The following STK32B variants were observed in gnomAD, a reference collection of about 807,000 sequenced individuals.
The protein encoded by STK32B is serine/threonine kinase 32B.
Under a neutral mutation model 52.6 loss-of-function variants are expected in STK32B, and 43 were observed. The observed-to-expected ratio is 0.82, with a 90% CI of 0.64 to 1.05. The LOEUF (loss-of-function observed/expected upper bound fraction) is 1.05, where lower values mean the gene tolerates loss of function less well. STK32B is among the 50% of genes least tolerant of loss of function. The probability of loss-of-function intolerance (pLI) is 0.00; values close to 1 mark genes in which losing one functional copy is unlikely to be tolerated. For synonymous variants in STK32B, 238 were observed against 204.3 expected (o/e 1.17, Z -1.41); for missense variants, 621 against 534.6 (o/e 1.16, Z -1.59).
chr4:5,251,027 T>C (rs1346649272), intron 3 of STK32B, among the ~76,000 whole-genome samples: 1 of 152,244 alleles, frequency 6.6e-6, no homozygotes, highest in Non-Finnish European at 1.5e-5. Context: ...ACTCTGTTGA[T>C]AGTTTCTTTT....
chr4:5,162,389 C>A (rs920075950), intron 2 of STK32B, among the ~76,000 whole-genome samples: 1 of 152,194 alleles, frequency 6.6e-6, no homozygotes, highest in East Asian at 1.9e-4. Flanking sequence ...TCGACATTGT[C>A]AGCGCCCGGA....
chr4:5,385,169 G>A (rs961854015), intron 4 of STK32B, among the ~76,000 whole-genome samples: 2 of 152,104 alleles, frequency 1.3e-5, no homozygotes, highest in Non-Finnish European at 2.9e-5. Context: ...CCTGGCCAGA[G>A]CTAGAGGGAA....
chr4:5,294,059 G>A (rs1177526521), intron 3 of STK32B, among the ~76,000 whole-genome samples: 3 of 152,076 alleles, frequency 2.0e-5, no homozygotes, highest in East Asian at 3.9e-4. Context: ...TTTCCCCATT[G>A]GTTGTTTTTG....
chr4:5,372,732 C>T (rs985367292), intron 4 of STK32B, among the ~76,000 whole-genome samples: 28 of 136,358 alleles, frequency 2.1e-4, no homozygotes, highest in African/African-American at 4.4e-4. Flanking sequence ...GGGGGGGGGG[C>T]GGTTATTTCA....
At chr4:5,041,468 T>C in the STK32B span, among the ~76,000 whole-genome samples, 1 of 152,216 alleles carries the variant, frequency 6.6e-6, no homozygotes, top group African/African-American at 2.4e-5. Context: ...GAGGTCACCA[T>C]GGAGCTACTA....
intron 3 of STK32B, among the ~76,000 whole-genome samples, chr4:5,288,481 G>T (rs1728686632): frequency 6.6e-6 from 1 of 152,104 alleles, no homozygotes; most frequent in South Asian, 2.1e-4. Context: ...TGTCCCTGAT[G>T]ATTAATGATG....
At chr4:5,057,680 T>A (rs1742059419) in intron 1 of STK32B, among the ~76,000 whole-genome samples, 1 of 152,102 alleles carries the variant, frequency 6.6e-6, no homozygotes, top group African/African-American at 2.4e-5. Context: ...AGATAAAGGA[T>A]CAGTATTTTA....
rs76340064 is a variant in STK32B at position 5,236,852 on chromosome 4, T to G, written c.260+68402T>G. On this transcript the variant is annotated intron_variant, in intron 3 of 11. Transcript: ENST00000282908. ...TGCGGCTAGGGACGTTCTAGTATGC[T>G]TTTTGGTGCAAACATATACACCTTT... Among the ~76,000 whole-genome samples the G allele has an allele frequency of 4.5e-3, 678 of 152,314 alleles. 1 individual carries two copies. Among genetic ancestry groups the G allele is most frequent in the African/African-American group, 0.015 (620 of 41,562 alleles).
In STK32B at chr4:5,500,267, T is replaced by G. The variant is rs1720625056; in HGVS notation, c.*1184T>G. 1 of 152,196 alleles carries G rather than the reference T, an allele frequency of 6.6e-6. No homozygotes were observed. Among genetic ancestry groups the G allele is most frequent in the Non-Finnish European group, 1.5e-5 (1 of 68,054 alleles). 9.4% of individuals were successfully genotyped at this position (152,196 alleles called of 1,614,324 possible). A position where few individuals can be genotyped will look rare whatever the true frequency, so the allele number is the denominator to read the frequency against. The stretch of plus-strand genomic sequence containing the variant: ...GCATGCAATCGCTCTGAATGGCAGT[T>G]TCCTCATTTTTAAACAGGGATAATA... On this transcript the variant is annotated 3_prime_UTR_variant, in exon 12 of 12. Coordinates refer to ENST00000282908, the MANE Select transcript of STK32B (RefSeq NM_018401.3).
At chr4:5,319,452 T>A (rs919481336) in intron 3 of STK32B, among the ~76,000 whole-genome samples, 12 of 152,194 alleles carry the variant, frequency 7.9e-5, no homozygotes, top group Admixed American at 6.5e-5. Context: ...TTCTCCTGTT[T>A]CCAAATCCTC....
intron 1 of STK32B, among the ~76,000 whole-genome samples, chr4:5,077,403 C>A (rs898837415): frequency 3.9e-5 from 6 of 152,096 alleles, no homozygotes; most frequent in African/African-American, 1.2e-4. Flanking sequence ...ACTGCCGTTG[C>A]CACAGTTTCC....
At chr4:5,348,067 C>T (rs898297548) in intron 4 of STK32B, among the ~76,000 whole-genome samples, 8 of 152,176 alleles carry the variant, frequency 5.3e-5, no homozygotes, top group African/African-American at 1.9e-4. Flanking sequence ...ATGGGAAGCA[C>T]CAAAAGCAAG....
intron 1 of STK32B, among the ~76,000 whole-genome samples, chr4:5,105,432 A>G (rs1004047208): frequency 2.0e-5 from 3 of 152,224 alleles, no homozygotes; most frequent in Admixed American, 6.5e-5. Context: ...TAATTTTTCT[A>G]TTGAGTTTAT....
intron 3 of STK32B, among the ~76,000 whole-genome samples, chr4:5,248,737 T>C (rs950656359): frequency 2.6e-5 from 4 of 152,174 alleles, no homozygotes; most frequent in Non-Finnish European, 5.9e-5. Flanking sequence ...CGTGGAATAC[T>C]ATGCAGCCAT....
At chr4:5,295,672 T>A (rs956200192) in intron 3 of STK32B, among the ~76,000 whole-genome samples, 1 of 152,164 alleles carries the variant, frequency 6.6e-6, no homozygotes, top group African/African-American at 2.4e-5. Flanking sequence ...CTTTTCCTCT[T>A]CATTAGTCTG....
chr4:5,122,832 A>G (rs544831022), intron 1 of STK32B, among the ~76,000 whole-genome samples: 7 of 152,028 alleles, frequency 4.6e-5, no homozygotes, highest in Non-Finnish European at 1.0e-4. Context: ...CCTGGGTTCC[A>G]TGATACTCTC....
intron 3 of STK32B, among the ~76,000 whole-genome samples, chr4:5,186,989 G>C (rs539582760): frequency 1.4e-3 from 211 of 152,362 alleles, no homozygotes; most frequent in African/African-American, 4.7e-3. Context: ...CCTGTGCTGA[G>C]CTGTTCAGAG....
intron 8 of STK32B, among the ~76,000 whole-genome samples, chr4:5,457,605 C>A (rs1035010475): frequency 2.7e-5 from 4 of 148,490 alleles, no homozygotes; most frequent in African/African-American, 9.9e-5. Flanking sequence ...CAGTGTCTCA[C>A]GCCTGTAATT....
intron 3 of STK32B, among the ~76,000 whole-genome samples, chr4:5,252,245 A>T (rs1324017927): frequency 6.6e-6 from 1 of 152,232 alleles, no homozygotes; most frequent in Non-Finnish European, 1.5e-5. Flanking sequence ...ATTATTGGCC[A>T]TAAAAGCATT....
Sources: gnomAD v4.1 joint callset for allele counts (sites outside exome capture counted in the v4.1 genomes callset) on GRCh38, gnomAD v4.1.1 for gene constraint, MANE v1.5 for transcripts, NCBI Gene and HGNC (gene_info 2026-07-23, HGNC 2026-07-21) for gene names.